UBTF: variants seen among roughly 807,000 people sequenced by gnomAD.
UBTF encodes the protein upstream binding transcription factor.
A neutral mutation model predicts 112.3 loss-of-function variants in UBTF; 8 were observed. The observed-to-expected ratio is 0.07, with a 90% CI of 0.04 to 0.13. The LOEUF (loss-of-function observed/expected upper bound fraction) is 0.13, where lower values mean the gene tolerates loss of function less well. Ranked by LOEUF, UBTF falls within the 10% of genes least tolerant of loss-of-function variation. UBTF has a pLI of 1.00. For synonymous variants in UBTF, 417 were observed against 373.1 expected, an observed-to-expected ratio of 1.12 and a Z score of -1.36; for missense variants, 457 against 982.1, an observed-to-expected ratio of 0.47 and a Z score of 7.15.
chr17:44,217,522 C>A (rs1167313207), intron 2 of UBTF, among the ~76,000 whole-genome samples: 1 of 152,158 alleles, frequency 6.6e-6, no homozygotes, highest in Non-Finnish European at 1.5e-5. Flanking sequence ...GAATAGCCAC[C>A]CAAGGCCAGA....
At chr17:44,213,581 G>A (rs1289156774) in intron 5 of UBTF, among the ~76,000 whole-genome samples, 1 of 152,224 alleles carries the variant, frequency 6.6e-6, no homozygotes, top group East Asian at 1.9e-4. Context: ...CACACAGTGC[G>A]CAGTGGCAGC....
Position 44,216,679 on chromosome 17 carries a change from C to T in UBTF, c.84G>A (p.Leu28=), listed in dbSNP as rs763169285. The T allele has an allele frequency of 6.2e-7, 1 of 1,614,206 alleles. No homozygotes were observed. Among genetic ancestry groups the T allele is most frequent in the Non-Finnish European group, 8.5e-7 (1 of 1,180,038 alleles). ...TGTTCTTCATGCATTCCAGCAAAGT[C>T]AGCATGTCTTCCTGGGACCAACGGT... is the stretch of plus-strand genomic sequence containing the variant. ...GQDRWSQEDM[L]TLLECMKNNL... The change falls in exon 3 of 21, where the codon CTG becomes CTA. Residue 28 remains leucine (L), a synonymous_variant. Transcript: ENST00000436088.
Position 44,219,389 on chromosome 17 carries a change from T to G in UBTF, c.-68+56A>C, listed in dbSNP as rs1419142333. On this transcript the variant is annotated intron_variant, in intron 1 of 20. Transcript: ENST00000436088. ...GCTGGGCGCCCACCGCACCCCGCGG[T>G]TCGCTCCCGCCGTCCGGCCCCGACC... 9 of 150,624 alleles carry G rather than the reference T, an allele frequency of 6.0e-5. No homozygotes were observed. The East Asian group carries it at 1.8e-3, about 30-fold the overall frequency. 9.3% of individuals were successfully genotyped at this position (150,624 alleles called of 1,614,324 possible). A position where few individuals can be genotyped will look rare whatever the true frequency, so the allele number is the denominator to read the frequency against.
At chr17:44,208,979 G>A in intron 17 of UBTF, 1 of 323,742 alleles carries the variant, frequency 3.1e-6, no homozygotes, top group East Asian at 1.3e-4. Context: ...GAGGTCAGGA[G>A]TTCGAGACCA....
chr17:44,207,115 TAAA>T lies in UBTF; in HGVS notation c.*124_*126del, dbSNP rs1283738260. On this transcript the variant is annotated 3_prime_UTR_variant, in exon 21 of 21. Transcript: ENST00000436088. ...CCCCCACCGTATTTTTTTTTTTTTT[TAAA>T]GAAAGAAAGAAAGTGGGGGAGGCCA... The T allele has an allele frequency of 1.5e-5, 15 of 1,007,462 alleles. No individual in the cohort carries two copies. Among genetic ancestry groups the T allele is most frequent in the Non-Finnish European group, 2.1e-5 (15 of 706,556 alleles). The allele number at this position is 1,007,462 out of a possible 1,614,324, so 62.4% of individuals were successfully genotyped here. A position where few individuals can be genotyped will look rare whatever the true frequency, so the allele number is the denominator to read the frequency against.
At chr17:44,215,178 C>T (rs1202858891) in intron 5 of UBTF, among the ~76,000 whole-genome samples, 1 of 152,260 alleles carries the variant, frequency 6.6e-6, no homozygotes, top group Admixed American at 6.5e-5. Flanking sequence ...CTAAATCCTG[C>T]TCTAGCATCA....
rs2526011 is a variant in UBTF, at chr17:44,210,760, T to C, written c.1359+32A>G. On this transcript the variant is annotated intron_variant, in intron 13 of 20. Coordinates refer to ENST00000436088, the MANE Select transcript of UBTF (RefSeq NM_014233.4). ...GAAGAGGGGGCCCTGGCAGCCCCCC[T>C]GGGGGCACAGCGCTCCGCCAGGCAG... The C allele has an allele frequency of 3.9e-6, 6 of 1,552,140 alleles. No individual in the cohort carries two copies. In the African/African-American group the frequency reaches 5.5e-5, roughly 14 times the overall value.
At chr17:44,218,429 G>A in intron 1 of UBTF, 133 bp from the exon 2 acceptor site, 2 of 569,482 alleles carry the variant, frequency 3.5e-6, no homozygotes, top group Non-Finnish European at 6.1e-6. Flanking sequence ...AGACTTAAGG[G>A]GTCTATGGGA....
In UBTF at chr17:44,218,384, G is replaced by A. The variant is rs1295308364; in HGVS notation, c.-67-88C>T. 4 of 727,666 alleles carry A rather than the reference G, an allele frequency of 5.5e-6. No individual in the cohort carries two copies. The Admixed American group carries it at 1.1e-4, about 19-fold the overall frequency. The allele number at this position is 727,666 out of a possible 1,614,324, so 45.1% of individuals were successfully genotyped here. ...AACCGCCCAGAGTAGAAGGGGGCAG[G>A]TCCACACTCTGAGAGACTCAGCCAT... On this transcript the variant is annotated intron_variant, in intron 1 of 20. Coordinates refer to ENST00000436088, the MANE Select transcript of UBTF (RefSeq NM_014233.4).
chr17:44,216,240 T>C, intron 3 of UBTF: 1 of 602,676 alleles, frequency 1.7e-6, no homozygotes, highest in East Asian at 2.8e-5. Context: ...CTCAACCTGG[T>C]TGTCCATGCT....
chr17:44,210,617 C>G, intron 13 of UBTF, 144 bp from the exon 14 acceptor site: 1 of 1,387,398 alleles, frequency 7.2e-7, no homozygotes, highest in Non-Finnish European at 9.4e-7. Flanking sequence ...CCCGCCTGGT[C>G]TGCGGCGCTC....
At chr17:44,208,779 C>T (rs2056445777) in intron 17 of UBTF, 1 of 240,492 alleles carries the variant, frequency 4.2e-6, no homozygotes, top group Non-Finnish European at 8.6e-6. Flanking sequence ...AGGAGAGGTC[C>T]CGTGGTCCCA....
intron 5 of UBTF, among the ~76,000 whole-genome samples, chr17:44,214,915 C>T (rs1375321094): frequency 1.3e-5 from 2 of 152,196 alleles, no homozygotes; most frequent in Non-Finnish European, 2.9e-5. Flanking sequence ...CATCTGCAGG[C>T]TCCTCCAATG....
Position 44,211,388 on chromosome 17 carries a change from C to A in UBTF, c.1048-57G>T. On this transcript the variant is annotated intron_variant, in intron 10 of 20. Coordinates refer to ENST00000436088, the MANE Select transcript of UBTF (RefSeq NM_014233.4). This position sits in a 1 kb window ranked among gnomAD's most constrained non-coding sequence, Gnocchi z 4.9. ...GGAGACAGTGTCACCACAGACCCTGCAGTACTCGGAGGACAGTGACCTTCA... is the reference window on the plus strand; with the variant it reads ...GGAGACAGTGTCACCACAGACCCTGAAGTACTCGGAGGACAGTGACCTTCA... 3 of 1,607,498 alleles carry A rather than the reference C, an allele frequency of 1.9e-6. No individual in the cohort carries two copies. The highest frequency in any genetic ancestry group is 2.6e-6 in the Non-Finnish European group (3 of 1,175,580).
At chr17:44,218,073 G>A (rs2046936923) in intron 2 of UBTF, 99 bp downstream of exon 2, 4 of 1,180,562 alleles carry the variant, frequency 3.4e-6, no homozygotes, top group African/African-American at 1.5e-5. Flanking sequence ...CCAGTTCAGT[G>A]TATGCAGACT....
Position 44,212,468 on chromosome 17 carries a change from G to C in UBTF, c.661-14C>G. 1 of 1,325,610 alleles carries C rather than the reference G, an allele frequency of 7.5e-7. No individual in the cohort carries two copies. The highest frequency in any genetic ancestry group is 1.0e-6 in the Non-Finnish European group (1 of 987,204). 82.1% of individuals were successfully genotyped at this position (1,325,610 alleles called of 1,614,324 possible). On this transcript the variant is annotated splice_polypyrimidine_tract_variant and intron_variant, in intron 7 of 20. Coordinates refer to ENST00000436088, the MANE Select transcript of UBTF (RefSeq NM_014233.4). Reference sequence around the variant, plus strand: ...CTTCGTAGTGGCCTGCAAACCAAAAGCCGTCAGACACGCACAGGCAGCCAG... The same window carrying C: ...CTTCGTAGTGGCCTGCAAACCAAAACCCGTCAGACACGCACAGGCAGCCAG...
At chr17:44,219,689 C>T (rs2047071039), upstream of UBTF, 1 of 153,106 alleles carries the variant, frequency 6.5e-6, no homozygotes, top group Non-Finnish European at 1.5e-5. Flanking sequence ...GCACAGCGCC[C>T]TCCGCCTGCA....
chr17:44,218,578 G>C, intron 1 of UBTF: 1 of 166,676 alleles, frequency 6.0e-6, no homozygotes, highest in Non-Finnish European at 9.6e-6. Flanking sequence ...CCTCCGCCCC[G>C]CTTCCCAACC....
chr17:44,209,936 C>T (rs1018705049), intron 15 of UBTF, among the ~76,000 whole-genome samples, 188 bp downstream of exon 15: 1 of 152,164 alleles, frequency 6.6e-6, no homozygotes, highest in African/African-American at 2.4e-5. Flanking sequence ...CTGCTCGCAT[C>T]CTCCGAGTCA....
Sources: gnomAD v4.1 joint callset for allele counts (sites outside exome capture counted in the v4.1 genomes callset) on GRCh38, gnomAD v4.1.1 for gene constraint, Gnocchi (gnomAD v3.1) non-coding constraint, MANE v1.5 for transcripts, NCBI Gene and HGNC (gene_info 2026-07-23, HGNC 2026-07-21) for gene names.